Variants in ROR1 observed in about 807,000 individuals in gnomAD.
ROR1 encodes the protein ROR family WNT receptor 1.
A neutral mutation model predicts 78.8 loss-of-function variants in ROR1; 19 were observed. That is an observed-to-expected ratio of 0.24 (90% CI 0.17 to 0.35). The LOEUF is 0.35. Among genes scored for constraint, ROR1 ranks in the 10% least tolerant of loss-of-function variants. ROR1 has a pLI of 1.00. For missense variants in ROR1, 917 were observed against 1,177.8 expected (o/e 0.78, Z 3.24); for synonymous variants, 386 against 433.6 (o/e 0.89, Z 1.36).
intron 1 of ROR1, among the ~76,000 whole-genome samples, chr1:63,938,336 C>T (rs1029914820): frequency 5.3e-5 from 8 of 152,090 alleles, no homozygotes; most frequent in African/African-American, 1.9e-4. Context: ...TTTTATATCA[C>T]GGTCTTGAGC....
At chr1:63,991,553 A>G (rs1646296691) in intron 1 of ROR1, among the ~76,000 whole-genome samples, 1 of 152,184 alleles carries the variant, frequency 6.6e-6, no homozygotes, top group Admixed American at 6.5e-5. Context: ...GGTGGCGTAG[A>G]AAAATAACCA....
intron 1 of ROR1, among the ~76,000 whole-genome samples, chr1:63,856,953 G>T (rs1232805933): frequency 6.6e-6 from 1 of 151,898 alleles, no homozygotes; most frequent in Non-Finnish European, 1.5e-5. Flanking sequence ...TCCCTGCGTT[G>T]TTCTTGCATT....
rs1286207777 is a variant in ROR1, at chr1:63,919,163, T to C, written c.92-90142T>C. On this transcript the variant is annotated intron_variant, in intron 1 of 8. Coordinates refer to ENST00000371079, the MANE Select transcript of ROR1 (RefSeq NM_005012.4). ...GTTCTCTTCAAGCATTTTAAAAAAA[T>C]GCCTCATTTTTATTTAACATTGTTT... is the stretch of plus-strand genomic sequence containing the variant. Among the ~76,000 whole-genome samples the C allele has an allele frequency of 2.6e-5, 4 of 152,200 alleles. No homozygotes were observed. The East Asian group carries it at 7.7e-4, about 29-fold the overall frequency.
chr1:64,073,908 G>A (rs889566038), intron 4 of ROR1, among the ~76,000 whole-genome samples: 1 of 152,186 alleles, frequency 6.6e-6, no homozygotes, highest in Non-Finnish European at 1.5e-5. Context: ...CTCTGCCCTG[G>A]GGCCTGGCTC....
chr1:63,833,174 C>G (rs1183575564), intron 1 of ROR1, among the ~76,000 whole-genome samples: 2 of 152,206 alleles, frequency 1.3e-5, no homozygotes, highest in Non-Finnish European at 2.9e-5. Context: ...ACAGCAGACA[C>G]TCAGTAACAG....
intron 7 of ROR1, among the ~76,000 whole-genome samples, chr1:64,155,827 C>A (rs950699943): frequency 2.0e-5 from 3 of 152,054 alleles, no homozygotes; most frequent in Non-Finnish European, 4.4e-5. Context: ...GAGACTTTAC[C>A]CCCCTAGGGT....
chr1:64,051,763 A>G (rs1404792235), intron 4 of ROR1, among the ~76,000 whole-genome samples: 3 of 152,188 alleles, frequency 2.0e-5, no homozygotes, highest in Non-Finnish European at 4.4e-5. Context: ...CTCTTACTCT[A>G]CAAAAAAAAA....
chr1:63,786,869 C>A (rs976501316), intron 1 of ROR1, among the ~76,000 whole-genome samples: 35 of 152,100 alleles, frequency 2.3e-4, no homozygotes, highest in Non-Finnish European at 7.4e-5. Flanking sequence ...TGTAAACTAA[C>A]AAGAAGTCAC....
At chr1:63,976,636 C>T (rs79012399) in intron 1 of ROR1, among the ~76,000 whole-genome samples, 2,691 of 152,216 alleles carry the variant, frequency 0.018, 44 homozygotes, top group Non-Finnish European at 0.03. Context: ...CCTGGTTTGT[C>T]GGTGTCATCT....
intron 4 of ROR1, among the ~76,000 whole-genome samples, chr1:64,100,274 G>A (rs933131722): frequency 2.0e-4 from 31 of 151,818 alleles, no homozygotes; most frequent in African/African-American, 7.5e-4. Flanking sequence ...TTGAGACCAG[G>A]AGTTTGAGAC....
intron 1 of ROR1, among the ~76,000 whole-genome samples, chr1:63,857,210 A>G (rs958376548): frequency 2.0e-5 from 3 of 151,984 alleles, no homozygotes; most frequent in Admixed American, 6.6e-5. Flanking sequence ...CATATATGCA[A>G]TTGAAATCTC....
chr1:64,173,679 C>T (rs2100742575), intron 8 of ROR1, among the ~76,000 whole-genome samples: 1 of 152,296 alleles, frequency 6.6e-6, no homozygotes, highest in East Asian at 1.9e-4. Flanking sequence ...TTTCCAAAGG[C>T]AAGTATATGA....
intron 8 of ROR1, among the ~76,000 whole-genome samples, chr1:64,163,856 G>T (rs1020780388): frequency 6.6e-6 from 1 of 152,000 alleles, no homozygotes; most frequent in African/African-American, 2.4e-5. Context: ...AAATATCCTC[G>T]ATAATTTTTC....
At chr1:64,165,307 A>G (rs922696829) in intron 8 of ROR1, among the ~76,000 whole-genome samples, 5 of 151,970 alleles carry the variant, frequency 3.3e-5, no homozygotes, top group African/African-American at 1.2e-4. Flanking sequence ...ATGGTGTCTC[A>G]TTGTGGTTTT....
At chr1:64,173,305 T>C (rs1372501920) in intron 8 of ROR1, among the ~76,000 whole-genome samples, 1 of 152,242 alleles carries the variant, frequency 6.6e-6, no homozygotes, top group Admixed American at 6.5e-5. Flanking sequence ...GACTTGGGAT[T>C]ATATGCTATA....
At chr1:63,843,326 C>T in intron 1 of ROR1, 1 of 1,135,884 alleles carries the variant, frequency 8.8e-7, no homozygotes, top group East Asian at 2.4e-5. Context: ...TGACGGCGTC[C>T]TTGGAGCTGG....
chr1:64,142,085 ACT>A (rs1421816865), intron 6 of ROR1, among the ~76,000 whole-genome samples: 2 of 152,226 alleles, frequency 1.3e-5, no homozygotes, highest in African/African-American at 4.8e-5. Context: ...TGAACCATTC[ACT>A]AGGAAATTAC....
At chr1:63,817,735 C>T (rs1177898179) in intron 1 of ROR1, among the ~76,000 whole-genome samples, 3 of 152,184 alleles carry the variant, frequency 2.0e-5, no homozygotes, top group Non-Finnish European at 2.9e-5. Flanking sequence ...AAAGGGAGGG[C>T]AGAATTCCGA....
chr1:64,102,392 A>G (rs961513766), intron 4 of ROR1, among the ~76,000 whole-genome samples: 34 of 152,094 alleles, frequency 2.2e-4, no homozygotes, highest in African/African-American at 7.7e-4. Flanking sequence ...TGGAAGGGTG[A>G]GACAAGCAAA....
Sources: allele counts gnomAD v4.1 joint callset (sites outside exome capture counted in the v4.1 genomes callset), GRCh38; gene constraint gnomAD v4.1.1; transcripts MANE v1.5; gene names NCBI Gene and HGNC (gene_info 2026-07-23, HGNC 2026-07-21).